Variants in KLHDC1 observed in about 807,000 individuals in gnomAD.
The protein encoded by KLHDC1 is kelch domain containing 1.
A neutral mutation model predicts 68.3 loss-of-function variants in KLHDC1; 53 were observed. The observed-to-expected ratio is 0.78, with a 90% CI of 0.62 to 0.98. The LOEUF (loss-of-function observed/expected upper bound fraction) is 0.98. KLHDC1 is among the 50% of genes least tolerant of loss of function. The pLI, the probability that KLHDC1 is intolerant of heterozygous loss-of-function variation, is 0.00. For synonymous variants in KLHDC1, 148 were observed against 159.0 expected (o/e 0.93, Z 0.52); for missense variants, 470 against 492.3 (o/e 0.95, Z 0.43).
chr14:49,711,622 G>A (rs1278361714), intron 4 of KLHDC1, among the ~76,000 whole-genome samples: 1 of 152,168 alleles, frequency 6.6e-6, no homozygotes, highest in Non-Finnish European at 1.5e-5. Flanking sequence ...ACATGTGTGA[G>A]CCACTGCGCC....
At chr14:49,722,509 C>T (rs554454709) in intron 4 of KLHDC1, among the ~76,000 whole-genome samples, 103 of 152,310 alleles carry the variant, frequency 6.8e-4, no homozygotes, top group Non-Finnish European at 1.4e-3. Context: ...TTAATTCAGT[C>T]TATCATTGAT....
chr14:49,740,101 A>G lies in KLHDC1; in HGVS notation c.900A>G (p.Leu300=), dbSNP rs755194559. 1 of 1,599,594 alleles carries G rather than the reference A, an allele frequency of 6.3e-7. No individual in the cohort carries two copies. The highest frequency in any genetic ancestry group is 8.6e-7 in the Non-Finnish European group (1 of 1,167,638). The change falls in exon 11 of 13, where the codon TTA becomes TTG. Residue 300 remains leucine, a synonymous_variant. Transcript: ENST00000359332. ...TGTTTATAATTTTCAATCATAGGTT[A>G]TGGCACACAGCCTGTTTGGGAAAAG... ...LTHLPKTRPR[L]WHTACLGKEN...
intron 2 of KLHDC1, among the ~76,000 whole-genome samples, chr14:49,709,449 GTC>G (rs758131520): frequency 1.8e-4 from 27 of 151,000 alleles, no homozygotes; most frequent in Non-Finnish European, 3.5e-4. Flanking sequence ...GACCAGTGCT[GTC>G]TCTGAAGATT....
Position 49,709,765 on chromosome 14 carries a change from C to T in KLHDC1, c.224C>T (p.Ala75Val), listed in dbSNP as rs1566599948. ...GCCTCCATGTCAGGAAGCTGTGGTG[C>T]TTGCATTAATGGAAAGCTGTACATT... Reference protein sequence around the residue: ...LPASMSGSCGACINGKLYIFG... With the variant: ...LPASMSGSCGVCINGKLYIFG... The change falls in exon 3 of 13, where the codon GCT becomes GTT. Residue 75 changes from alanine to valine, a missense_variant. Coordinates refer to ENST00000359332, the MANE Select transcript of KLHDC1 (RefSeq NM_172193.3). 6.2e-7 allele frequency: 1 copy of T among 1,604,348 alleles called. No individual in the cohort carries two copies. The highest frequency in any genetic ancestry group is 2.3e-5 in the East Asian group (1 of 43,928).
intron 1 of KLHDC1, 83 bp from the exon 2 acceptor site, chr14:49,709,076 A>G (rs964528994): frequency 3.5e-5 from 22 of 635,872 alleles, no homozygotes; most frequent in African/African-American, 1.9e-4. Flanking sequence ...GTATTTTATT[A>G]GCAATTTTTC....
intron 12 of KLHDC1, among the ~76,000 whole-genome samples, chr14:49,747,464 G>A (rs1011094854): frequency 2.6e-5 from 4 of 152,188 alleles, no homozygotes; most frequent in East Asian, 1.9e-4. Context: ...CAGGAAAAGC[G>A]GGTAGAGCAG....
chr14:49,744,204 T>C (rs1211991432), intron 12 of KLHDC1, among the ~76,000 whole-genome samples: 1 of 151,940 alleles, frequency 6.6e-6, no homozygotes, highest in African/African-American at 2.4e-5. Context: ...AGTGGGAGGA[T>C]GGCTTGAGTG....
chr14:49,702,084 C>T (rs574384308), intron 1 of KLHDC1, among the ~76,000 whole-genome samples: 1 of 151,094 alleles, frequency 6.6e-6, no homozygotes, highest in South Asian at 2.1e-4. Context: ...AGGATAATCG[C>T]TTGAACCTGG....
At chr14:49,714,257 C>T (rs113992003) in intron 4 of KLHDC1, among the ~76,000 whole-genome samples, 5,939 of 149,966 alleles carry the variant, frequency 0.04, 385 homozygotes, top group African/African-American at 0.14. Flanking sequence ...GCAGATCACA[C>T]GGTCAGAAGT....
chr14:49,695,166 C>T (rs895720980), intron 1 of KLHDC1, among the ~76,000 whole-genome samples: 1 of 124,528 alleles, frequency 8.0e-6, no homozygotes, highest in African/African-American at 3.0e-5. Flanking sequence ...ACAATCTCTC[C>T]TGCAACCTCT....
chr14:49,726,707 A>C (rs184378439), intron 6 of KLHDC1, among the ~76,000 whole-genome samples: 1 of 152,244 alleles, frequency 6.6e-6, no homozygotes, highest in East Asian at 1.9e-4. Flanking sequence ...ACATAGCTGG[A>C]AATCATATTG....
At chr14:49,697,806 T>C (rs753250366) in intron 1 of KLHDC1, among the ~76,000 whole-genome samples, 1 of 152,202 alleles carries the variant, frequency 6.6e-6, no homozygotes, top group South Asian at 2.1e-4. Flanking sequence ...TCCCTAATCT[T>C]ATATATTCTT....
intron 7 of KLHDC1, 138 bp downstream of exon 7, chr14:49,729,147 C>A: frequency 1.6e-6 from 1 of 640,410 alleles, no homozygotes. Flanking sequence ...TATTTATCTT[C>A]TAATTCATAA....
intron 11 of KLHDC1, among the ~76,000 whole-genome samples, chr14:49,740,566 C>T (rs1004013048): frequency 1.2e-4 from 18 of 152,158 alleles, no homozygotes; most frequent in African/African-American, 4.1e-4. Flanking sequence ...GTCTTGATCT[C>T]CTGACCTCGT....
intron 4 of KLHDC1, among the ~76,000 whole-genome samples, chr14:49,722,921 T>C (rs181840353): frequency 2.2e-4 from 34 of 151,600 alleles, no homozygotes; most frequent in South Asian, 1.3e-3. Context: ...ACCCTGTCTC[T>C]ACTAAGAATA....
chr14:49,705,122 C>T (rs1337318696), intron 1 of KLHDC1, among the ~76,000 whole-genome samples: 1 of 152,014 alleles, frequency 6.6e-6, no homozygotes, highest in African/African-American at 2.4e-5. Context: ...TAGGCAAACT[C>T]TGAAAGAGTA....
chr14:49,711,504 T>G (rs917777520), intron 4 of KLHDC1, among the ~76,000 whole-genome samples: 2 of 152,010 alleles, frequency 1.3e-5, no homozygotes, highest in African/African-American at 4.8e-5. Context: ...CACCTGGCCC[T>G]AATTTTTGTA....
At chr14:49,750,617 A>G (rs1215553802) in intron 12 of KLHDC1, among the ~76,000 whole-genome samples, 1 of 152,262 alleles carries the variant, frequency 6.6e-6, no homozygotes, top group African/African-American at 2.4e-5. Flanking sequence ...CCACAGCAGA[A>G]TCAAATGAGT....
At chr14:49,711,236 C>G (rs1466341759) in intron 4 of KLHDC1, among the ~76,000 whole-genome samples, 1 of 152,166 alleles carries the variant, frequency 6.6e-6, no homozygotes. Context: ...GAGTCTCGCT[C>G]TGTCGCCTAG....
Sources: gnomAD v4.1 joint callset for allele counts (sites outside exome capture counted in the v4.1 genomes callset) on GRCh38, gnomAD v4.1.1 for gene constraint, MANE v1.5 for transcripts, NCBI Gene and HGNC (gene_info 2026-07-23, HGNC 2026-07-21) for gene names.